THSD4: variants seen among roughly 807,000 people sequenced by gnomAD.
THSD4 encodes the protein thrombospondin type 1 domain containing 4.
THSD4 carries 69 observed loss-of-function variants against 119.0 expected under a neutral mutation model. The observed-to-expected ratio is 0.58, with a 90% confidence interval of 0.48 to 0.71. The LOEUF is 0.71. Ranked by LOEUF, THSD4 falls within the 30% of genes least tolerant of loss-of-function variation. The probability of loss-of-function intolerance (pLI) is 0.00; values close to 1 mark genes in which losing one functional copy is unlikely to be tolerated. For missense variants in THSD4, 1,393 were observed against 1,391.1 expected (o/e 1.00, Z -0.02); for synonymous variants, 524 against 540.4 (o/e 0.97, Z 0.42).
chr15:71,406,643 G>GGTGTGTGTGTGTGT (rs56347233), intron 6 of THSD4, among the ~76,000 whole-genome samples: 1 of 126,194 alleles, frequency 7.9e-6, no homozygotes, highest in Non-Finnish European at 1.7e-5. Context: ...AGGTTTGTTT[G>GGTGTGTGTGTGTGT]GTGTGTGTGT....
At chr15:71,766,884 C>A (rs1377161129) in intron 16 of THSD4, 1 of 151,866 alleles carries the variant, frequency 6.6e-6, no homozygotes, top group Non-Finnish European at 1.5e-5. Context: ...AAGCCAGGTT[C>A]AAAAAACTAC....
intron 6 of THSD4, among the ~76,000 whole-genome samples, chr15:71,280,943 AATT>A (rs2044644135): frequency 6.6e-6 from 1 of 152,244 alleles, no homozygotes; most frequent in African/African-American, 2.4e-5. Context: ...AATCATTTGT[AATT>A]CATGGGGGCA....
At chr15:71,698,791 T>A (rs2052223169) in intron 8 of THSD4, among the ~76,000 whole-genome samples, 1 of 151,718 alleles carries the variant, frequency 6.6e-6, no homozygotes, top group Non-Finnish European at 1.5e-5. Flanking sequence ...CTGAAGGACA[T>A]TATGCCAAGT....
At chr15:71,714,718 T>A (rs1468582796) in intron 8 of THSD4, among the ~76,000 whole-genome samples, 1 of 150,918 alleles carries the variant, frequency 6.6e-6, no homozygotes, top group Non-Finnish European at 1.5e-5. Flanking sequence ...TGGTGACGCA[T>A]GCCTGTAATC....
At chr15:71,380,614 A>G (rs1199581148) in intron 6 of THSD4, among the ~76,000 whole-genome samples, 2 of 152,116 alleles carry the variant, frequency 1.3e-5, no homozygotes, top group East Asian at 3.9e-4. Context: ...CTGGAACTTG[A>G]GGCAGTTCAA....
intron 6 of THSD4, among the ~76,000 whole-genome samples, chr15:71,388,688 G>GTGTGTGTGTT (rs755711869): frequency 7.3e-5 from 11 of 151,712 alleles, no homozygotes; most frequent in Non-Finnish European, 1.3e-4. Context: ...GTGTGTGTGT[G>GTGTGTGTGTT]TGTGTAGGGA....
At chr15:71,215,537 T>C in intron 4 of THSD4, 138 bp downstream of exon 4, 1 of 933,578 alleles carries the variant, frequency 1.1e-6, no homozygotes, top group Non-Finnish European at 1.5e-6. Context: ...CAAGGAGCTC[T>C]GGGCTCCACG....
intron 6 of THSD4, among the ~76,000 whole-genome samples, chr15:71,387,822 G>T (rs186987775): frequency 5.3e-5 from 8 of 152,306 alleles, no homozygotes; most frequent in Admixed American, 6.5e-5. Context: ...GCATCTTAAA[G>T]ATTTTTTTCT....
intron 7 of THSD4, among the ~76,000 whole-genome samples, chr15:71,499,957 T>C (rs931646378): frequency 6.6e-6 from 1 of 152,190 alleles, no homozygotes; most frequent in Non-Finnish European, 1.5e-5. Context: ...TGTGCAAATA[T>C]CTCTTCAAGG....
At chr15:71,326,348 G>A (rs1199410303) in intron 6 of THSD4, among the ~76,000 whole-genome samples, 1 of 152,020 alleles carries the variant, frequency 6.6e-6, no homozygotes, top group East Asian at 1.9e-4. Context: ...GAAAATGGTG[G>A]TGGTGATGAT....
Position 71,524,252 on chromosome 15 carries a change from A to T in THSD4, c.1152+112429A>T, listed in dbSNP as rs567794550. Among the ~76,000 whole-genome samples, 9 of 152,364 alleles carry T rather than the reference A, an allele frequency of 5.9e-5. No homozygotes were observed. In the East Asian group the frequency reaches 1.7e-3, roughly 29 times the overall value. On this transcript the variant is annotated intron_variant, in intron 7 of 17. Transcript: ENST00000261862. ...GCCTTAAAGATAGCCACAGGGACTG[A>T]CACCAGTAACTGGCAGCTGGCAGAA...
intron 7 of THSD4, among the ~76,000 whole-genome samples, chr15:71,426,850 C>G (rs2046876304): frequency 6.6e-6 from 1 of 152,044 alleles, no homozygotes; most frequent in Non-Finnish European, 1.5e-5. Context: ...TATCTGTATC[C>G]TCAGTGCTTA....
chr15:71,755,777 A>G (rs2053528676), intron 14 of THSD4, among the ~76,000 whole-genome samples: 1 of 151,924 alleles, frequency 6.6e-6, no homozygotes, highest in Non-Finnish European at 1.5e-5. Context: ...GAAGCAGCAC[A>G]TAGAGTGCCA....
intron 7 of THSD4, among the ~76,000 whole-genome samples, chr15:71,593,836 C>G (rs1000856836): frequency 4.0e-5 from 6 of 151,790 alleles, no homozygotes; most frequent in Admixed American, 3.3e-4. Context: ...CCTGGGAGGT[C>G]GAGACTGCAG....
intron 13 of THSD4, among the ~76,000 whole-genome samples, chr15:71,747,426 G>A (rs2053361219): frequency 6.6e-6 from 1 of 152,186 alleles, no homozygotes; most frequent in South Asian, 2.1e-4. Flanking sequence ...TCAAAATTAA[G>A]GCTGTTAAGG....
intron 1 of THSD4, among the ~76,000 whole-genome samples, chr15:71,135,847 C>A (rs761386249): frequency 1.3e-5 from 2 of 152,098 alleles, no homozygotes; most frequent in African/African-American, 2.4e-5. Flanking sequence ...TCCATGCTTG[C>A]CCCTTCTCCT....
rs772701225 is a variant in THSD4, at chr15:71,777,232, A to G, written c.2915A>G (p.Asp972Gly). The G allele has an allele frequency of 6.2e-7, 1 of 1,614,174 alleles. No homozygotes were observed. The highest frequency in any genetic ancestry group is 8.5e-7 in the Non-Finnish European group (1 of 1,180,016). Reference protein sequence around the residue: ...CNPQDCVPEVDENCKDKYYNC... With the variant: ...CNPQDCVPEVGENCKDKYYNC... ...TTCTGTTCATTCTCTTTCGCTACAGATGAAAACTGCAAGGACAAGTACTAC... is the reference window on the plus strand; with the variant it reads ...TTCTGTTCATTCTCTTTCGCTACAGGTGAAAACTGCAAGGACAAGTACTAC... The change falls in exon 18 of 18, where the codon GAT becomes GGT. Residue 972 changes from aspartate to glycine, a missense_variant and splice_region_variant. By Grantham distance (94) the Asp-to-Gly change is moderately conservative. Transcript: ENST00000261862.
chr15:71,665,776 T>C (rs2141005001), intron 8 of THSD4, among the ~76,000 whole-genome samples: 1 of 152,350 alleles, frequency 6.6e-6, no homozygotes, highest in East Asian at 1.9e-4. Flanking sequence ...TTGCTTGTTT[T>C]TGTCAGCTTT....
chr15:71,762,881 G>A (rs1424722124), intron 15 of THSD4, among the ~76,000 whole-genome samples: 1 of 151,966 alleles, frequency 6.6e-6, no homozygotes, highest in Non-Finnish European at 1.5e-5. Flanking sequence ...GACCACCCTG[G>A]CCAATATGAC....
Sources: allele counts gnomAD v4.1 joint callset (sites outside exome capture counted in the v4.1 genomes callset), GRCh38; gene constraint gnomAD v4.1.1; transcripts MANE v1.5; gene names NCBI Gene and HGNC (gene_info 2026-07-23, HGNC 2026-07-21).